Variants in ARHGAP15 observed in about 807,000 individuals in gnomAD.
The protein encoded by ARHGAP15 is Rho GTPase activating protein 15.
ARHGAP15 carries 51 observed loss-of-function variants against 63.7 expected under a neutral mutation model. The ratio of observed to expected loss-of-function variants is 0.80; its 90% CI spans 0.64 to 1.01. ARHGAP15 has a LOEUF of 1.01. Among genes scored for constraint, ARHGAP15 ranks in the 50% least tolerant of loss-of-function variants. The pLI, the probability that ARHGAP15 is intolerant of heterozygous loss-of-function variation, is 0.00. For synonymous variants in ARHGAP15, 191 were observed against 193.8 expected, an observed-to-expected ratio of 0.99 and a Z score of 0.12; for missense variants, 560 against 564.6, an observed-to-expected ratio of 0.99 and a Z score of 0.08.
chr2:143,198,881 C>G (rs1328168541), intron 2 of ARHGAP15, among the ~76,000 whole-genome samples: 1 of 152,058 alleles, frequency 6.6e-6, no homozygotes, highest in East Asian at 1.9e-4. Flanking sequence ...AGGAGAATTA[C>G]TTTTGTCCTA....
intron 2 of ARHGAP15, among the ~76,000 whole-genome samples, chr2:143,170,156 C>G (rs1200082595): frequency 2.6e-5 from 4 of 152,082 alleles, no homozygotes; most frequent in Non-Finnish European, 5.9e-5. Flanking sequence ...ACCCTGAACT[C>G]TTATTCAACC....
At chr2:143,242,123 G>A (rs1013762658) in intron 5 of ARHGAP15, among the ~76,000 whole-genome samples, 1 of 152,156 alleles carries the variant, frequency 6.6e-6, no homozygotes, top group Non-Finnish European at 1.5e-5. Context: ...GCCATGGGAG[G>A]CTACTCAGAA....
chr2:143,521,143 C>G (rs1694049094), intron 10 of ARHGAP15, among the ~76,000 whole-genome samples: 1 of 152,114 alleles, frequency 6.6e-6, no homozygotes, highest in Non-Finnish European at 1.5e-5. Context: ...TAAACAGGCG[C>G]TAATCACACA....
intron 1 of ARHGAP15, among the ~76,000 whole-genome samples, chr2:143,131,376 G>A (rs952792234): frequency 5.3e-5 from 8 of 152,234 alleles, no homozygotes; most frequent in South Asian, 4.1e-4. Flanking sequence ...AAAATAATAC[G>A]GAAGATTTTA....
chr2:143,252,469 C>T (rs1355841126), intron 6 of ARHGAP15, among the ~76,000 whole-genome samples: 1 of 151,926 alleles, frequency 6.6e-6, no homozygotes, highest in Non-Finnish European at 1.5e-5. Context: ...GAAAATTTTG[C>T]CAGCTAGTTT....
At chr2:143,642,790 G>A (rs756131473) in intron 12 of ARHGAP15, among the ~76,000 whole-genome samples, 4 of 152,104 alleles carry the variant, frequency 2.6e-5, no homozygotes, top group Non-Finnish European at 5.9e-5. Context: ...ATGGAGTTTG[G>A]AGAGCCAGCC....
intron 11 of ARHGAP15, among the ~76,000 whole-genome samples, chr2:143,589,242 T>A (rs1468458746): frequency 6.6e-6 from 1 of 152,202 alleles, no homozygotes; most frequent in Non-Finnish European, 1.5e-5. Context: ...ATAGAGAAAT[T>A]TTATCTTTGC....
chr2:143,718,845 A>C (rs1684924499), intron 13 of ARHGAP15, among the ~76,000 whole-genome samples: 1 of 152,222 alleles, frequency 6.6e-6, no homozygotes, highest in South Asian at 2.1e-4. Context: ...GGAAATGAAG[A>C]CACTTTTACC....
At chr2:143,519,391 C>T in intron 10 of ARHGAP15, 27 bp downstream of exon 10, 2 of 1,557,684 alleles carry the variant, frequency 1.3e-6, no homozygotes, top group Non-Finnish European at 1.8e-6. Context: ...GCAGCAGTTC[C>T]CCCCATTACT....
chr2:143,469,433 C>T (rs1469690249), intron 8 of ARHGAP15, among the ~76,000 whole-genome samples: 1 of 152,236 alleles, frequency 6.6e-6, no homozygotes, highest in African/African-American at 2.4e-5. Flanking sequence ...CACCCCTGCC[C>T]ACTGCCATAG....
At chr2:143,377,409 T>C (rs928421869) in intron 6 of ARHGAP15, among the ~76,000 whole-genome samples, 1 of 151,932 alleles carries the variant, frequency 6.6e-6, no homozygotes, top group Non-Finnish European at 1.5e-5. Flanking sequence ...ACATAATTAT[T>C]TCAGAAAAAT....
At chr2:143,745,279 T>A (rs977100501) in intron 13 of ARHGAP15, among the ~76,000 whole-genome samples, 1 of 152,214 alleles carries the variant, frequency 6.6e-6, no homozygotes, top group Middle Eastern at 3.2e-3. Flanking sequence ...CCTGAACCCA[T>A]GTTGACATAA....
chr2:143,178,466 A>G (rs1012627193), intron 2 of ARHGAP15, among the ~76,000 whole-genome samples: 2 of 152,236 alleles, frequency 1.3e-5, no homozygotes, highest in Middle Eastern at 3.2e-3. Context: ...TTGGCTAAAT[A>G]GTATCTAAAG....
At chr2:143,743,634 C>G (rs2105511781) in intron 13 of ARHGAP15, among the ~76,000 whole-genome samples, 1 of 152,310 alleles carries the variant, frequency 6.6e-6, no homozygotes, top group Non-Finnish European at 1.5e-5. Flanking sequence ...TCTGTCTTCC[C>G]TTGCTCCTCG....
intron 2 of ARHGAP15, among the ~76,000 whole-genome samples, chr2:143,158,784 A>G (rs1690181552): frequency 6.6e-6 from 1 of 151,934 alleles, no homozygotes; most frequent in Non-Finnish European, 1.5e-5. Flanking sequence ...AATGTGCTAA[A>G]CAGAAAATCA....
intron 12 of ARHGAP15, among the ~76,000 whole-genome samples, chr2:143,665,952 A>T (rs1205030365): frequency 6.9e-6 from 1 of 145,946 alleles, no homozygotes. Flanking sequence ...TTCCATGCTC[A>T]TGGGTAGGAA....
intron 13 of ARHGAP15, among the ~76,000 whole-genome samples, chr2:143,724,698 G>C (rs1685204923): frequency 6.6e-6 from 1 of 152,176 alleles, no homozygotes; most frequent in Admixed American, 6.5e-5. Context: ...CCATGAAAGT[G>C]CGTGCATTTA....
intron 6 of ARHGAP15, among the ~76,000 whole-genome samples, chr2:143,408,587 C>A (rs1376152659): frequency 2.6e-5 from 4 of 151,668 alleles, no homozygotes; most frequent in African/African-American, 7.3e-5. Context: ...TCATTTTTGC[C>A]AAAGGTGATT....
chr2:143,763,756 ATG>A (rs1686854291), intron 13 of ARHGAP15, among the ~76,000 whole-genome samples: 4 of 148,162 alleles, frequency 2.7e-5, no homozygotes, highest in East Asian at 1.9e-4. Context: ...ATGTATATGT[ATG>A]TATATAAATA....
Sources: allele counts gnomAD v4.1 joint callset (sites outside exome capture counted in the v4.1 genomes callset), GRCh38; gene constraint gnomAD v4.1.1; transcripts MANE v1.5; gene names NCBI Gene and HGNC (gene_info 2026-07-23, HGNC 2026-07-21).